Variants in CCBE1 observed in about 807,000 individuals in gnomAD.
CCBE1 encodes the protein collagen and calcium binding EGF domains 1.
In CCBE1, 37 loss-of-function variants were observed where a neutral mutation model predicts 50.0. The ratio of observed to expected loss-of-function variants is 0.74; its 90% confidence interval spans 0.57 to 0.97. The LOEUF (loss-of-function observed/expected upper bound fraction) is 0.97. Ranked by LOEUF, CCBE1 falls within the 50% of genes least tolerant of loss-of-function variation. The pLI, the probability that CCBE1 is intolerant of heterozygous loss-of-function variation, is 0.00. For missense variants in CCBE1, 538 were observed against 523.8 expected (o/e 1.03, Z -0.26); for synonymous variants, 234 against 203.7 (o/e 1.15, Z -1.27).
At chr18:59,683,470 C>T (rs921597467) in intron 2 of CCBE1, among the ~76,000 whole-genome samples, 5 of 151,906 alleles carry the variant, frequency 3.3e-5, no homozygotes, top group African/African-American at 1.2e-4. Flanking sequence ...CTGAGGCAGG[C>T]GGATCACCTG....
chr18:59,694,538 T>C (rs1171688967), intron 2 of CCBE1, among the ~76,000 whole-genome samples: 1 of 152,188 alleles, frequency 6.6e-6, no homozygotes, highest in Non-Finnish European at 1.5e-5. Flanking sequence ...TGCTTCAAGA[T>C]TTTATGCATC....
At chr18:59,601,010 GTTTTTTTTTTTTTTTTTTTTT>G (rs71177045) in intron 2 of CCBE1, among the ~76,000 whole-genome samples, 14 of 58,016 alleles carry the variant, frequency 2.4e-4, no homozygotes, top group East Asian at 1.7e-3. Flanking sequence ...CTATGTGTCA[GTTTTTTTTTTTTTTTTTTTTT>G]TTTTTTTTTT....
intron 5 of CCBE1, chr18:59,459,087 T>C (rs1472701404): frequency 6.6e-6 from 1 of 152,222 alleles, no homozygotes; most frequent in African/African-American, 2.4e-5. Context: ...AGTGATAAGA[T>C]ATGTAGGTTC....
Position 59,453,657 on chromosome 18 carries a change from G to A in CCBE1, c.654+1194C>T, listed in dbSNP as rs144426466. On this transcript the variant is annotated intron_variant, in intron 6 of 10. Coordinates refer to ENST00000439986, the MANE Select transcript of CCBE1 (RefSeq NM_133459.4). Reference sequence around the variant, plus strand: ...AACATGGGAAAGAGATACCATCTCAGGCTTACTCTCAAGCCCTTTAGAATC... The same window carrying A: ...AACATGGGAAAGAGATACCATCTCAAGCTTACTCTCAAGCCCTTTAGAATC... 3.3e-3 allele frequency among the ~76,000 whole-genome samples: 509 copies of A among 152,230 alleles called. 10 individuals are homozygous for A. Among genetic ancestry groups the A allele is most frequent in the Non-Finnish European group, 1.4e-3 (95 of 68,028 alleles).
At chr18:59,632,687 T>G (rs2053864859) in intron 2 of CCBE1, among the ~76,000 whole-genome samples, 1 of 152,174 alleles carries the variant, frequency 6.6e-6, no homozygotes, top group African/African-American at 2.4e-5. Flanking sequence ...CCTCCCAGGT[T>G]CAAGCTAGTC....
At chr18:59,506,477 G>T (rs1169776431) in intron 2 of CCBE1, among the ~76,000 whole-genome samples, 1 of 152,234 alleles carries the variant, frequency 6.6e-6, no homozygotes, top group African/African-American at 2.4e-5. Flanking sequence ...GGAATGAAGG[G>T]AGGGAGAGGT....
At position 59,697,351 on chromosome 18, in the gene CCBE1, C is replaced by T; in HGVS notation, c.-9G>A. The T allele has an allele frequency of 6.5e-7, 1 of 1,545,224 alleles. No individual in the cohort carries two copies. The highest frequency in any genetic ancestry group is 2.4e-5 in the East Asian group (1 of 40,932). ...GGAGGCGGCGGCACCATCAGGGAAG[C>T]TCCCGGCTTCTTCCCAGCGCCGAGC... On this transcript the variant is annotated 5_prime_UTR_variant, in exon 1 of 11. Transcript: ENST00000439986.
At chr18:59,563,060 C>T (rs1036327416) in intron 2 of CCBE1, among the ~76,000 whole-genome samples, 6 of 152,178 alleles carry the variant, frequency 3.9e-5, no homozygotes, top group Admixed American at 1.3e-4. Flanking sequence ...TCTGTATCCA[C>T]GATTAGACTA....
intron 5 of CCBE1, among the ~76,000 whole-genome samples, chr18:59,460,898 G>A (rs1237796667): frequency 1.3e-5 from 2 of 151,618 alleles, no homozygotes; most frequent in Non-Finnish European, 2.9e-5. Flanking sequence ...TCGCGCCACT[G>A]CACTCCAGCC....
intron 2 of CCBE1, among the ~76,000 whole-genome samples, chr18:59,605,893 G>A (rs1053098859): frequency 6.6e-6 from 1 of 152,180 alleles, no homozygotes; most frequent in Admixed American, 6.5e-5. Flanking sequence ...AGGTGAAGGT[G>A]GAAGTGAGCT....
chr18:59,551,111 A>G (rs1915915049), intron 2 of CCBE1, among the ~76,000 whole-genome samples: 1 of 152,054 alleles, frequency 6.6e-6, no homozygotes, highest in Admixed American at 6.6e-5. Context: ...ATGCATCATT[A>G]GGTAACTTCA....
chr18:59,616,729 G>C (rs543206120), intron 2 of CCBE1, among the ~76,000 whole-genome samples: 1 of 152,358 alleles, frequency 6.6e-6, no homozygotes, highest in African/African-American at 2.4e-5. Flanking sequence ...GTTGCATTAA[G>C]TTTCCCAGAA....
chr18:59,439,824 C>T lies in CCBE1; in HGVS notation c.776-8G>A, dbSNP rs771715007. ...CCTTTGGTCCTGGTGAGCCTGTAAT[C>T]AAAGAACACCTCATTAGCTCACAGC... On this transcript the variant is annotated splice_polypyrimidine_tract_variant and splice_region_variant and intron_variant, in intron 7 of 10. Transcript: ENST00000439986. 2 of 1,613,248 alleles carry T rather than the reference C, an allele frequency of 1.2e-6. No individual in the cohort carries two copies. Among genetic ancestry groups the T allele is most frequent in the East Asian group, 4.5e-5 (2 of 44,868 alleles).
At chr18:59,612,296 AAAAAAAAAAG>A (rs1199357806) in intron 2 of CCBE1, among the ~76,000 whole-genome samples, 2 of 148,636 alleles carry the variant, frequency 1.3e-5, no homozygotes, top group Non-Finnish European at 3.0e-5. Flanking sequence ...AGTATAATAA[AAAAAAAAAAG>A]AAAAAAAAAG....
intron 10 of CCBE1, among the ~76,000 whole-genome samples, chr18:59,437,839 T>C (rs543443962): frequency 1.8e-4 from 28 of 152,350 alleles, no homozygotes; most frequent in African/African-American, 6.3e-4. Flanking sequence ...ACTCATGGCA[T>C]AGCAGGGTTT....
chr18:59,658,304 T>C (rs1391772018), intron 2 of CCBE1, among the ~76,000 whole-genome samples: 2 of 73,822 alleles, frequency 2.7e-5, no homozygotes, highest in East Asian at 1.1e-3. Flanking sequence ...CTGAGCAACA[T>C]AGCAAGACCC....
At chr18:59,472,247 TTC>T (rs1912067917) in intron 3 of CCBE1, among the ~76,000 whole-genome samples, 1 of 152,220 alleles carries the variant, frequency 6.6e-6, no homozygotes, top group Non-Finnish European at 1.5e-5. Context: ...GCCCAGTATC[TTC>T]TCTTTGTTTC....
chr18:59,441,022 G>A (rs1006330627), intron 7 of CCBE1, among the ~76,000 whole-genome samples: 1 of 152,204 alleles, frequency 6.6e-6, no homozygotes, highest in Non-Finnish European at 1.5e-5. Flanking sequence ...TTTGAAGACT[G>A]TGGAACACAA....
At chr18:59,584,111 C>A (rs977453758) in intron 2 of CCBE1, among the ~76,000 whole-genome samples, 1 of 151,986 alleles carries the variant, frequency 6.6e-6, no homozygotes, top group Non-Finnish European at 1.5e-5. Context: ...AAATGTCCAA[C>A]AATGATAGAC....
Sources: gnomAD v4.1 joint callset for allele counts (sites outside exome capture counted in the v4.1 genomes callset) on GRCh38, gnomAD v4.1.1 for gene constraint, MANE v1.5 for transcripts, NCBI Gene and HGNC (gene_info 2026-07-23, HGNC 2026-07-21) for gene names.